The following LDB3 variants were observed in gnomAD, a reference collection of about 807,000 sequenced individuals.
LDB3 encodes the protein LIM domain binding 3.
In LDB3, 49 loss-of-function variants were observed where a neutral mutation model predicts 69.0. The observed-to-expected ratio is 0.71, with a 90% CI of 0.56 to 0.90. The LOEUF (loss-of-function observed/expected upper bound fraction) is 0.90. LDB3 is among the 40% of genes least tolerant of loss of function. LDB3 has a pLI of 0.00. For synonymous variants in LDB3, 387 were observed against 396.2 expected, an observed-to-expected ratio of 0.98 and a Z score of 0.28; for missense variants, 928 against 974.1, an observed-to-expected ratio of 0.95 and a Z score of 0.63.
intron 12 of LDB3, among the ~76,000 whole-genome samples, chr10:86,723,852 G>T (rs1398649533): frequency 6.6e-6 from 1 of 152,222 alleles, no homozygotes; most frequent in African/African-American, 2.4e-5. Context: ...GAAAACACAT[G>T]CAAGAGATAA....
intron 8 of LDB3, among the ~76,000 whole-genome samples, chr10:86,709,545 C>A (rs982376774): frequency 1.3e-5 from 2 of 152,136 alleles, no homozygotes; most frequent in Non-Finnish European, 2.9e-5. Flanking sequence ...AGGTGCCCCA[C>A]AAGGTCGTGG....
At chr10:86,698,341 G>T (rs1371750536) in intron 7 of LDB3, among the ~76,000 whole-genome samples, 1 of 152,224 alleles carries the variant, frequency 6.6e-6, no homozygotes, top group Non-Finnish European at 1.5e-5. Context: ...AAATTGAGTT[G>T]GAAGCACCGT....
chr10:86,727,351 T>A (rs1184544157), intron 13 of LDB3, among the ~76,000 whole-genome samples: 1 of 89,292 alleles, frequency 1.1e-5, no homozygotes, highest in Non-Finnish European at 2.7e-5. Flanking sequence ...ACCTCTACTA[T>A]TTTTTTTTTA....
intron 6 of LDB3, 117 bp downstream of exon 6, chr10:86,692,182 C>A: frequency 8.1e-7 from 1 of 1,229,196 alleles, no homozygotes; most frequent in Non-Finnish European, 1.1e-6. Context: ...GAAGGTGGGC[C>A]AGGCTTGATG....
intron 7 of LDB3, among the ~76,000 whole-genome samples, chr10:86,701,526 T>C (rs567897828): frequency 6.6e-6 from 1 of 152,304 alleles, no homozygotes; most frequent in East Asian, 1.9e-4. Context: ...CAGCATCCGG[T>C]GTCTGTGGGC....
chr10:86,682,387 G>A (rs553906680), intron 5 of LDB3, among the ~76,000 whole-genome samples: 6 of 152,064 alleles, frequency 3.9e-5, no homozygotes, highest in Non-Finnish European at 7.4e-5. Flanking sequence ...GTGGGGTGGC[G>A]AGGAAGCAGG....
At chr10:86,686,950 T>TGGGAGATCTCTCTCGACACC in intron 5 of LDB3, 1 of 906,894 alleles carries the variant, frequency 1.1e-6, no homozygotes, top group Non-Finnish European at 1.8e-6. Flanking sequence ...GCCTCGGCTC[T>TGGGAGATCTCTCTCGACACC]GGGAGATCTC....
At chr10:86,694,715 T>C (rs1313676719) in intron 7 of LDB3, among the ~76,000 whole-genome samples, 3 of 152,212 alleles carry the variant, frequency 2.0e-5, no homozygotes, top group African/African-American at 7.2e-5. Flanking sequence ...AGTTCTAATC[T>C]GTCTGTGATT....
chr10:86,716,845 C>T, intron 10 of LDB3, 74 bp downstream of exon 10: 1 of 1,494,838 alleles, frequency 6.7e-7, no homozygotes, highest in South Asian at 1.2e-5. Context: ...ACAGTCTGAG[C>T]CCTGGTTGGG....
At chr10:86,711,286 G>T (rs775343441) in intron 9 of LDB3, among the ~76,000 whole-genome samples, 1 of 152,150 alleles carries the variant, frequency 6.6e-6, no homozygotes, top group African/African-American at 2.4e-5. Context: ...GGCTCCGGGG[G>T]CGCGCGGCCA....
At chr10:86,725,653 A>T (rs1847226860) in intron 12 of LDB3, among the ~76,000 whole-genome samples, 1 of 152,228 alleles carries the variant, frequency 6.6e-6, no homozygotes, top group African/African-American at 2.4e-5. Context: ...CCAATAAAGT[A>T]GTTCAAATAC....
At chr10:86,732,515 T>C (rs1008328182) in intron 13 of LDB3, 5 of 450,432 alleles carry the variant, frequency 1.1e-5, no homozygotes, top group African/African-American at 6.1e-5. Context: ...TGTTTGTTTG[T>C]TTGCTTTAGA....
At chr10:86,706,156 G>A (rs1846432713) in intron 7 of LDB3, among the ~76,000 whole-genome samples, 1 of 151,960 alleles carries the variant, frequency 6.6e-6, no homozygotes. Context: ...GAATGGGGAA[G>A]GGTGAAAACA....
intron 11 of LDB3, among the ~76,000 whole-genome samples, chr10:86,718,398 G>T (rs1467937924): frequency 6.6e-6 from 1 of 152,188 alleles, no homozygotes; most frequent in Non-Finnish European, 1.5e-5. Context: ...TTGCTTCACA[G>T]CCTGACCTTA....
chr10:86,681,891 C>T (rs529449847), intron 5 of LDB3, 88 bp downstream of exon 5: 36 of 1,356,908 alleles, frequency 2.7e-5, no homozygotes, highest in Admixed American at 4.6e-5. Context: ...GTGGTCAGAG[C>T]GAGGCACTGG....
intron 12 of LDB3, among the ~76,000 whole-genome samples, chr10:86,723,196 G>A (rs1847143112): frequency 6.9e-6 from 1 of 145,602 alleles, no homozygotes; most frequent in Admixed American, 7.0e-5. Context: ...TTTGAGCCCA[G>A]GAAGTTGAGG....
At chr10:86,681,404 C>T (rs1263322795) in intron 4 of LDB3, 32 bp from the exon 5 acceptor site, 5 of 1,598,674 alleles carry the variant, frequency 3.1e-6, no homozygotes, top group Non-Finnish European at 4.2e-6. Context: ...CCGCTCTCTT[C>T]TCTCTCCCCT....
chr10:86,705,426 T>G (rs1428036745), intron 7 of LDB3, among the ~76,000 whole-genome samples: 1 of 152,256 alleles, frequency 6.6e-6, no homozygotes, highest in Non-Finnish European at 1.5e-5. Context: ...TTGCTGTTAT[T>G]GCAAAAACAA....
At chr10:86,704,108 C>T (rs945479297) in intron 7 of LDB3, among the ~76,000 whole-genome samples, 3 of 150,790 alleles carry the variant, frequency 2.0e-5, no homozygotes, top group Non-Finnish European at 3.0e-5. Context: ...AGCGGGACTC[C>T]GTCTCAATTT....
Sources: gnomAD v4.1 joint callset for allele counts (sites outside exome capture counted in the v4.1 genomes callset) on GRCh38, gnomAD v4.1.1 for gene constraint, MANE v1.5 for transcripts, NCBI Gene and HGNC (gene_info 2026-07-23, HGNC 2026-07-21) for gene names.